The following ADAM8 variants were observed in gnomAD, a reference collection of about 807,000 sequenced individuals.
ADAM8 encodes the protein disintegrin and metalloproteinase domain-containing protein 8.
In ADAM8, 104 loss-of-function variants were observed where a neutral mutation model predicts 102.4. The ratio of observed to expected loss-of-function variants is 1.02; its 90% CI spans 0.87 to 1.20. ADAM8 has a LOEUF of 1.20. ADAM8 is among the 50% of genes most tolerant of loss of function. ADAM8 has a pLI of 0.00. For missense variants in ADAM8, 1,132 were observed against 1,159.0 expected, an observed-to-expected ratio of 0.98 and a Z score of 0.34; for synonymous variants, 517 against 485.2, an observed-to-expected ratio of 1.07 and a Z score of -0.86.
At position 133,262,940 on chromosome 10, in the gene ADAM8, T is replaced by TG; in HGVS notation, c.*215dup. On this transcript the variant is annotated 3_prime_UTR_variant, in exon 23 of 23. Coordinates refer to ENST00000445355, the MANE Select transcript of ADAM8 (RefSeq NM_001109.5). ...TCCCAGCCTGGTGCCTGCAGACAGC[T>TG]GGGGCTACACGTGGCCAAGGCGGGG... 3.0e-6 allele frequency: 2 copies of TG among 676,588 alleles called. No homozygotes were observed. The highest frequency in any genetic ancestry group is 5.3e-6 in the Non-Finnish European group (2 of 374,642). The allele number at this position is 676,588 out of a possible 1,614,324, so 41.9% of individuals were successfully genotyped here.
In ADAM8 at chr10:133,270,429, G is replaced by A. The variant is rs149080131; in HGVS notation, c.1716C>T (p.His572=). The A allele has an allele frequency of 9.3e-5, 150 of 1,606,812 alleles. No individual in the cohort carries two copies. Among genetic ancestry groups the A allele is most frequent in the African/African-American group, 7.7e-4 (58 of 74,970 alleles). Residue 572 remains histidine, a synonymous_variant, in exon 16 of 23, where the codon CAC becomes CAT. Transcript: ENST00000445355. ...CAGTGCCATCCTCTGTGGTGAGCGC[G>A]TGGCACACATCCACGATGCAGATGG... ...GRAICIVDVC[H]ALTTEDGTAY...
At chr10:133,272,888 G>A (rs1203676644) in intron 7 of ADAM8, 22 bp from the exon 8 acceptor site, 2 of 1,611,034 alleles carry the variant, frequency 1.2e-6, no homozygotes, top group African/African-American at 1.3e-5. Flanking sequence ...AGACCCTCAG[G>A]CTGGAGCCCA....
intron 12 of ADAM8, 76 bp from the exon 13 acceptor site, chr10:133,271,365 C>A: frequency 6.5e-7 from 1 of 1,531,974 alleles, no homozygotes; most frequent in Non-Finnish European, 8.8e-7. Flanking sequence ...GCCGCCTCCC[C>A]TGACCACTGG....
chr10:133,268,833 C>A lies in ADAM8; in HGVS notation c.1978G>T (p.Val660Leu). ...ACAACTGCCAGGAGCACCAGAACCA[C>A]CACCACGAAGACGGGGAGGCTCCCG... ...ASGSLPVFVV[V>L]VLVLLAVVLV... Residue 660 changes from valine to leucine, a missense_variant, in exon 19 of 23, where the codon GTG becomes TTG. Val to Leu is a conservative substitution (Grantham distance 32, BLOSUM62 1). Coordinates refer to ENST00000445355, the MANE Select transcript of ADAM8 (RefSeq NM_001109.5). The A allele has an allele frequency of 6.2e-7, 1 of 1,609,992 alleles. No homozygotes were observed. The highest frequency in any genetic ancestry group is 8.5e-7 in the Non-Finnish European group (1 of 1,179,896).
Position 133,268,119 on chromosome 10 carries a change from C to T in ADAM8, c.2064-1G>A. On this transcript the variant is annotated splice_acceptor_variant, in intron 19 of 22. Transcript: ENST00000445355. LOFTEE classifies it high-confidence loss of function. ...CATTGTGGTCTTGGGAGCCACGTTC[C>T]TGGGGAGGAAGCACAGGGCGCATGG... is the stretch of plus-strand genomic sequence containing the variant. 7.9e-7 allele frequency: 1 copy of T among 1,267,076 alleles called. No homozygotes were observed. The highest frequency in any genetic ancestry group is 1.0e-6 in the Non-Finnish European group (1 of 998,844). The allele number at this position is 1,267,076 out of a possible 1,614,324, so 78.5% of individuals were successfully genotyped here.
Position 133,274,241 on chromosome 10 carries a change from C to G in ADAM8, c.151-6G>C. The G allele has an allele frequency of 6.5e-7, 1 of 1,545,420 alleles. No individual in the cohort carries two copies. The stretch of plus-strand genomic sequence containing the variant: ...ACCCTCTCTGGGTGCAGGCCCTGAG[C>G]GAGGAGGGAAGGGTCCCAGGTGAGC... On this transcript the variant is annotated splice_region_variant and splice_polypyrimidine_tract_variant and intron_variant, in intron 2 of 22. Transcript: ENST00000445355.
intron 11 of ADAM8, 39 bp downstream of exon 11, chr10:133,271,767 T>C (rs1589808422): frequency 6.7e-7 from 1 of 1,483,428 alleles, no homozygotes; most frequent in Non-Finnish European, 9.1e-7. Context: ...ACCTCGTACC[T>C]CCAGCATACC....
intron 18 of ADAM8, 54 bp downstream of exon 18, chr10:133,269,391 C>A: frequency 6.9e-7 from 1 of 1,440,010 alleles, no homozygotes; most frequent in South Asian, 1.4e-5. Context: ...GGGCTCTGTT[C>A]GGGCCCTCTG....
rs774290950 is a variant in ADAM8, at chr10:133,263,739, T to TG, written c.2345dup (p.Val783SerfsTer17). On this transcript the variant is annotated frameshift_variant, in exon 22 of 23. Transcript: ENST00000445355. LOFTEE classifies it high-confidence loss of function. Reference sequence around the variant, plus strand: ...CAGCCCCGGGTTTGACTGGGGGCACTGGGGGTGCGAACGTTGGCTTGATGA... The same window carrying TG: ...CAGCCCCGGGTTTGACTGGGGGCACTGGGGGGTGCGAACGTTGGCTTGATGA... The TG allele has an allele frequency of 8.5e-6, 13 of 1,532,876 alleles. No individual in the cohort carries two copies. The South Asian group carries it at 9.7e-5, about 11-fold the overall frequency. 95.0% of individuals were successfully genotyped at this position (1,532,876 alleles called of 1,614,324 possible). A position where few individuals can be genotyped will look rare whatever the true frequency, so the allele number is the denominator to read the frequency against.
rs1846568554 is a variant in ADAM8 at position 133,272,458 on chromosome 10, TGCCGTGC to T, written c.826_832del (p.Ala276AsnfsTer40). ...GTCATGCAGGTGCCGCCGTGTCCGT[TGCCGTGC>T]CTGCCAGGTCAGGAGGTTCTCCAGT... On this transcript the variant is annotated frameshift_variant, in exon 9 of 23. Transcript: ENST00000445355. LOFTEE classifies it high-confidence loss of function. The T allele has an allele frequency of 1.9e-6, 3 of 1,611,254 alleles. No homozygotes were observed. Among genetic ancestry groups the T allele is most frequent in the Non-Finnish European group, 2.5e-6 (3 of 1,179,660 alleles).
chr10:133,268,030 C>A lies in ADAM8; in HGVS notation c.2152G>T (p.Ala718Ser). ...SRVPAKGGAP[A>S]PSRGPQELVP... ...AGCTCTTGGGGGCCCCTGGATGGGGCTGGAGCCCCGCCCTTGGCCGGCACG... is the reference window on the plus strand; with the variant it reads ...AGCTCTTGGGGGCCCCTGGATGGGGATGGAGCCCCGCCCTTGGCCGGCACG... Residue 718 changes from alanine to serine, a missense_variant, in exon 20 of 23, where the codon GCC (alanine) becomes TCC (serine). Coordinates refer to ENST00000445355, the MANE Select transcript of ADAM8 (RefSeq NM_001109.5). The A allele has an allele frequency of 1.6e-6, 2 of 1,262,272 alleles. No homozygotes were observed. The highest frequency in any genetic ancestry group is 3.9e-5 in the South Asian group (1 of 25,750). The allele number at this position is 1,262,272 out of a possible 1,614,324, so 78.2% of individuals were successfully genotyped here.
At chr10:133,264,108 C>T (rs1241465762) in intron 21 of ADAM8, among the ~76,000 whole-genome samples, 1 of 139,332 alleles carries the variant, frequency 7.2e-6, no homozygotes, top group Admixed American at 7.8e-5. Context: ...GTCACCCAGA[C>T]TGGAGTGCAG....
rs913510160 is a variant in ADAM8, at chr10:133,273,800, C to T, written c.345G>A (p.Pro115=). 5.2e-6 allele frequency: 8 copies of T among 1,548,996 alleles called. No homozygotes were observed. The highest frequency in any genetic ancestry group is 1.4e-5 in the African/African-American group (1 of 73,008). ...CFYQGHVEGY[P]DSAASLSTCA... ...AGGTGCTGAGGCTGGCGGCTGAGTCCGGGTACCCCTCTACGTGGCCCTGGT... is the reference window on the plus strand; with the variant it reads ...AGGTGCTGAGGCTGGCGGCTGAGTCTGGGTACCCCTCTACGTGGCCCTGGT... Residue 115 remains proline (P), a synonymous_variant, in exon 5 of 23, where the codon CCG becomes CCA. Transcript: ENST00000445355.
intron 21 of ADAM8, among the ~76,000 whole-genome samples, chr10:133,265,816 A>G (rs1418560743): frequency 1.3e-5 from 2 of 152,116 alleles, no homozygotes; most frequent in African/African-American, 4.8e-5. Flanking sequence ...AAAAGAGAGA[A>G]AATCACTATT....
Position 133,271,063 on chromosome 10 carries a change from G to A in ADAM8, c.1382C>T (p.Pro461Leu), listed in dbSNP as rs779344892. Residue 461 changes from proline to leucine, a missense_variant, in exon 14 of 23, where the codon CCG becomes CTG. By Grantham distance (98) the Pro-to-Leu change is moderately conservative. Coordinates refer to ENST00000445355, the MANE Select transcript of ADAM8 (RefSeq NM_001109.5). Reference sequence around the variant, plus strand: ...CTTGGGACGGCACAGCTCACCAGCCGGCTTCACCTGGCCCAGCAGAGAACA... The same window carrying A: ...CTTGGGACGGCACAGCTCACCAGCCAGCTTCACCTGGCCCAGCAGAGAACA... ...GTCCQECKVK[P>L]AGELCRPKKD... 41 of 1,610,160 alleles carry A rather than the reference G, an allele frequency of 2.5e-5. No individual in the cohort carries two copies. The highest frequency in any genetic ancestry group is 1.6e-4 in the Middle Eastern group (1 of 6,076).
intron 19 of ADAM8, 144 bp downstream of exon 19, chr10:133,268,604 G>A: frequency 2.2e-6 from 2 of 908,822 alleles, no homozygotes; most frequent in Middle Eastern, 3.2e-4. Flanking sequence ...CTCAGCCCAA[G>A]CCGGGGGGCG....
intron 21 of ADAM8, 133 bp from the exon 22 acceptor site, chr10:133,263,898 CGCCCCCA>C: frequency 4.0e-6 from 3 of 744,576 alleles, no homozygotes; most frequent in Non-Finnish European, 6.1e-6. Context: ...CTGCAGGCTC[CGCCCCCA>C]CTGAGCTCGC....
At chr10:133,263,592 A>G in intron 22 of ADAM8, 96 bp downstream of exon 22, 1 of 59,456 alleles carries the variant, frequency 1.7e-5, no homozygotes, top group Middle Eastern at 4.5e-3. Context: ...TCAGAAAAAA[A>G]CCCCACCCTC....
At chr10:133,266,647 A>G (rs1380777816) in intron 21 of ADAM8, among the ~76,000 whole-genome samples, 1 of 152,092 alleles carries the variant, frequency 6.6e-6, no homozygotes, top group Non-Finnish European at 1.5e-5. Context: ...GTGGACCTCG[A>G]TGGTACCACT....
Sources: allele counts gnomAD v4.1 joint callset (sites outside exome capture counted in the v4.1 genomes callset), GRCh38; gene constraint gnomAD v4.1.1; transcripts MANE v1.5; gene names NCBI Gene and HGNC (gene_info 2026-07-23, HGNC 2026-07-21).